ZIM2: variants seen among roughly 807,000 people sequenced by gnomAD.
ZIM2 encodes zinc finger protein 656.
In ZIM2, 14 loss-of-function variants were observed where a neutral mutation model predicts 38.6. The ratio of observed to expected loss-of-function variants is 0.36; its 90% CI spans 0.24 to 0.57. The LOEUF is 0.57. ZIM2 is among the 20% of genes least tolerant of loss of function. The pLI, the probability that ZIM2 is intolerant of heterozygous loss-of-function variation, is 0.81. For synonymous variants in ZIM2, 247 were observed against 245.8 expected (o/e 1.00, Z -0.04); for missense variants, 680 against 695.1 (o/e 0.98, Z 0.24).
chr19:56,785,851 A>G (rs1327470772), intron 10 of ZIM2, among the ~76,000 whole-genome samples: 1 of 152,124 alleles, frequency 6.6e-6, no homozygotes, highest in Non-Finnish European at 1.5e-5. Flanking sequence ...CTGTATGTCT[A>G]TTTTTTTAAA....
At chr19:56,813,040 T>C (rs1260018766) in intron 9 of ZIM2, 4 of 985,302 alleles carry the variant, frequency 4.1e-6, no homozygotes, top group African/African-American at 1.7e-5. Flanking sequence ...GTAAAAGCCA[T>C]GTTATCTATC....
chr19:56,780,457 T>A (rs2046274182), intron 11 of ZIM2, among the ~76,000 whole-genome samples: 1 of 152,062 alleles, frequency 6.6e-6, no homozygotes, highest in Non-Finnish European at 1.5e-5. Flanking sequence ...TTGGCCAGGC[T>A]GGTCTCAAAC....
At chr19:56,785,029 T>G (rs12977881) in intron 10 of ZIM2, among the ~76,000 whole-genome samples, 35,464 of 151,922 alleles carry the variant, frequency 0.23, 5,005 homozygotes, top group Non-Finnish European at 0.32. Flanking sequence ...GTCCTATTGT[T>G]TTTTAAAAAT....
intron 2 of ZIM2, among the ~76,000 whole-genome samples, chr19:56,834,373 C>T (rs1330809791): frequency 6.6e-6 from 1 of 152,142 alleles, no homozygotes; most frequent in East Asian, 1.9e-4. Context: ...CAAACCAGCG[C>T]TATTAAAGCT....
chr19:56,829,465 C>A (rs2061376607), intron 2 of ZIM2, among the ~76,000 whole-genome samples: 1 of 152,010 alleles, frequency 6.6e-6, no homozygotes, highest in South Asian at 2.1e-4. Flanking sequence ...ACATTTTACA[C>A]ATGGAATGGT....
chr19:56,794,211 G>A (rs1041615236), intron 9 of ZIM2, among the ~76,000 whole-genome samples: 1 of 152,170 alleles, frequency 6.6e-6, no homozygotes, highest in Non-Finnish European at 1.5e-5. Flanking sequence ...GGTTAAGTAC[G>A]AACGGTAATA....
At chr19:56,813,518 G>A (rs1347735245) in intron 9 of ZIM2, 5 of 1,433,086 alleles carry the variant, frequency 3.5e-6, no homozygotes, top group South Asian at 3.1e-5. Context: ...CTGCACATTC[G>A]GTCTCTTTTC....
intron 12 of ZIM2, among the ~76,000 whole-genome samples, chr19:56,777,804 C>T (rs2046099315): frequency 6.6e-6 from 1 of 152,180 alleles, no homozygotes; most frequent in Non-Finnish European, 1.5e-5. Context: ...AAAACCTCCC[C>T]CCATCTTTGC....
At chr19:56,821,297 G>T (rs981184351) in intron 7 of ZIM2, among the ~76,000 whole-genome samples, 2 of 152,220 alleles carry the variant, frequency 1.3e-5, no homozygotes, top group Non-Finnish European at 2.9e-5. Flanking sequence ...TCCCTGGCCA[G>T]TCTACTCTGC....
intron 9 of ZIM2, among the ~76,000 whole-genome samples, chr19:56,795,493 T>G (rs1014221706): frequency 6.6e-6 from 1 of 152,226 alleles, no homozygotes; most frequent in Non-Finnish European, 1.5e-5. Flanking sequence ...CTGGCCTGGC[T>G]GAACGTCTCC....
intron 8 of ZIM2, among the ~76,000 whole-genome samples, chr19:56,818,315 C>A (rs1395451318): frequency 6.6e-6 from 1 of 152,172 alleles, no homozygotes; most frequent in Non-Finnish European, 1.5e-5. Context: ...TACTTAAAAA[C>A]CTCCAGTGCT....
At chr19:56,799,909 A>C (rs538163319) in intron 9 of ZIM2, among the ~76,000 whole-genome samples, 5 of 152,358 alleles carry the variant, frequency 3.3e-5, no homozygotes, top group African/African-American at 1.2e-4. Flanking sequence ...ATAGAAAAAC[A>C]TGCTGAGTGA....
intron 2 of ZIM2, among the ~76,000 whole-genome samples, chr19:56,828,298 C>T (rs2061255139): frequency 6.6e-6 from 1 of 152,180 alleles, no homozygotes; most frequent in African/African-American, 2.4e-5. Context: ...CTGTTAGACC[C>T]AATAAATACT....
intron 9 of ZIM2, among the ~76,000 whole-genome samples, chr19:56,797,774 C>G (rs2047306721): frequency 6.6e-6 from 1 of 152,122 alleles, no homozygotes; most frequent in African/African-American, 2.4e-5. Context: ...GAAGAAATCT[C>G]CATTATGAGG....
In ZIM2 at chr19:56,789,849, T is replaced by C. The variant is rs2046833801; in HGVS notation, c.570+23A>G. 3 of 1,529,836 alleles carry C rather than the reference T, an allele frequency of 2.0e-6. No homozygotes were observed. The East Asian group carries it at 6.9e-5, about 35-fold the overall frequency. 94.8% of individuals were successfully genotyped at this position (1,529,836 alleles called of 1,614,324 possible). A position where few individuals can be genotyped will look rare whatever the true frequency, so the allele number is the denominator to read the frequency against. ...ATAAGATCCCCATATTTGATAACCA[T>C]GTCAGAGGAAAGCCTGACTCACCTG... On this transcript the variant is annotated intron_variant, in intron 10 of 12. Transcript: ENST00000629319.
chr19:56,825,755 C>A (rs1002305475), intron 3 of ZIM2, among the ~76,000 whole-genome samples: 5 of 152,060 alleles, frequency 3.3e-5, no homozygotes, highest in African/African-American at 9.7e-5. Context: ...AGAAAAAAAA[C>A]CATATGCAAC....
intron 6 of ZIM2, 84 bp downstream of exon 6, chr19:56,822,669 C>A: frequency 6.5e-7 from 1 of 1,544,858 alleles, no homozygotes; most frequent in Non-Finnish European, 8.8e-7. Flanking sequence ...GCAGAAACTT[C>A]GAGGCCCTGG....
Position 56,782,336 on chromosome 19 carries a change from C to A in ZIM2, c.571-215G>T, listed in dbSNP as rs537279538. 1.7e-4 allele frequency: 97 copies of A among 579,484 alleles called. 1 individual carries two copies. The highest frequency in any genetic ancestry group is 1.7e-3 in the South Asian group (91 of 54,614). 35.9% of individuals were successfully genotyped at this position (579,484 alleles called of 1,614,324 possible). A position where few individuals can be genotyped will look rare whatever the true frequency, so the allele number is the denominator to read the frequency against. On this transcript the variant is annotated intron_variant, in intron 10 of 12. Transcript: ENST00000629319. ...AGATTTGGGTTGAGGGGGAAATATC[C>A]TTTTAAGCCACTTTATAAAGACAGA... is the stretch of plus-strand genomic sequence containing the variant.
chr19:56,803,062 C>T (rs962718804), intron 9 of ZIM2, among the ~76,000 whole-genome samples: 1 of 152,154 alleles, frequency 6.6e-6, no homozygotes, highest in Non-Finnish European at 1.5e-5. Flanking sequence ...TTGGGGATGG[C>T]CATGGCCACC....
Sources: allele counts gnomAD v4.1 joint callset (sites outside exome capture counted in the v4.1 genomes callset), GRCh38; gene constraint gnomAD v4.1.1; transcripts MANE v1.5; gene names NCBI Gene and HGNC (gene_info 2026-07-23, HGNC 2026-07-21).